Variants in ASNS observed in about 807,000 individuals in gnomAD.
The protein encoded by ASNS is asparagine synthetase [glutamine-hydrolyzing].
A neutral mutation model predicts 62.6 loss-of-function variants in ASNS; 37 were observed. The observed-to-expected ratio is 0.59, with a 90% CI of 0.45 to 0.78. ASNS has a LOEUF of 0.78. Among genes scored for constraint, ASNS ranks in the 30% least tolerant of loss-of-function variants. ASNS has a pLI of 0.00. For missense variants in ASNS, 520 were observed against 682.4 expected (o/e 0.76, Z 2.65); for synonymous variants, 207 against 237.9 (o/e 0.87, Z 1.19).
chr7:97,870,280 T>C (rs1241487956), intron 1 of ASNS: 1 of 600,082 alleles, frequency 1.7e-6, no homozygotes, highest in Non-Finnish European at 2.9e-6. Context: ...AGAATGTCAA[T>C]GGATACACCA....
At chr7:97,852,497 T>C (rs1791230115) in intron 12 of ASNS, 29 bp from the exon 13 acceptor site, 4 of 1,595,726 alleles carry the variant, frequency 2.5e-6, no homozygotes, top group Non-Finnish European at 3.4e-6. Flanking sequence ...AAGAGCAAAA[T>C]GGCTTAAAAT....
chr7:97,860,292 G>T (rs1791652475), intron 4 of ASNS, among the ~76,000 whole-genome samples: 1 of 152,216 alleles, frequency 6.6e-6, no homozygotes. Flanking sequence ...AAAGAAAATT[G>T]TTGCAGTATT....
At chr7:97,892,833 C>A in the ASNS span, among the ~76,000 whole-genome samples, 1 of 152,244 alleles carries the variant, frequency 6.6e-6, no homozygotes, top group African/African-American at 2.4e-5. Context: ...TAGGAAATCT[C>A]TTCCAAATTT....
At chr7:97,857,527 G>T (rs2237287) in intron 7 of ASNS, among the ~76,000 whole-genome samples, 56,320 of 150,516 alleles carry the variant, frequency 0.37, 10,762 homozygotes, top group East Asian at 0.56. Context: ...CTATTATTTT[G>T]GTTACATAAA....
intron 3 of ASNS, among the ~76,000 whole-genome samples, chr7:97,865,022 T>A (rs1791898740): frequency 6.6e-6 from 1 of 152,214 alleles, no homozygotes; most frequent in Non-Finnish European, 1.5e-5. Flanking sequence ...ATTTTGTGCA[T>A]GAAACAAAGT....
At position 97,855,419 on chromosome 7, in the gene ASNS, A is replaced by C. The variant is rs1791389293; in HGVS notation, c.1071T>G (p.Asp357Glu). 6.2e-7 allele frequency: 1 copy of C among 1,612,498 alleles called. No homozygotes were observed. Residue 357 changes from aspartate (D) to glutamate (E), a missense_variant, in exon 9 of 13, where the codon GAT becomes GAG. Coordinates refer to ENST00000394308, the MANE Select transcript of ASNS (RefSeq NM_001673.5). The part of the protein sequence containing the change: ...LISKYIRKNT[D>E]SVVIFSGEGS... ...CTTCTCCAGAGAAGATCACCACGCTATCTGTGTTCTTCCGAATATACTTGG... is the reference window on the plus strand; with the variant it reads ...CTTCTCCAGAGAAGATCACCACGCTCTCTGTGTTCTTCCGAATATACTTGG...
the ASNS span, among the ~76,000 whole-genome samples, chr7:97,905,419 G>A: frequency 6.6e-6 from 1 of 152,172 alleles, no homozygotes; most frequent in East Asian, 1.9e-4. Flanking sequence ...CATGGATCTG[G>A]TAGTTCCACT....
chr7:97,885,169 C>T, the ASNS span, among the ~76,000 whole-genome samples: 1 of 152,254 alleles, frequency 6.6e-6, no homozygotes, highest in Non-Finnish European at 1.5e-5. Flanking sequence ...CTGGTTTCTT[C>T]CACTTAGCTT....
At chr7:97,887,270 T>C in the ASNS span, among the ~76,000 whole-genome samples, 1 of 152,152 alleles carries the variant, frequency 6.6e-6, no homozygotes, top group Non-Finnish European at 1.5e-5. Context: ...CTATGGTCCC[T>C]CCCCAGTCAG....
At chr7:97,882,938 C>T in the ASNS span, among the ~76,000 whole-genome samples, 1 of 152,202 alleles carries the variant, frequency 6.6e-6, no homozygotes, top group African/African-American at 2.4e-5. Context: ...AGAGGCACTC[C>T]TCAACTTTTC....
At chr7:97,854,523 TG>T in intron 10 of ASNS, 56 bp downstream of exon 10, 1 of 1,582,400 alleles carries the variant, frequency 6.3e-7, no homozygotes, top group Non-Finnish European at 8.6e-7. Context: ...CTTTTTGTTT[TG>T]TTTTGTTTTT....
chr7:97,927,837 G>A, the ASNS span, among the ~76,000 whole-genome samples: 28 of 152,286 alleles, frequency 1.8e-4, no homozygotes, highest in Non-Finnish European at 1.0e-4. Context: ...ACGGGGAGAT[G>A]AGGATGTCAC....
the ASNS span, among the ~76,000 whole-genome samples, chr7:97,887,262 A>G: frequency 6.6e-6 from 1 of 152,194 alleles, no homozygotes; most frequent in African/African-American, 2.4e-5. Flanking sequence ...AGTCCCTGCT[A>G]TGGTCCCTCC....
chr7:97,853,183 C>T lies in ASNS; in HGVS notation c.1353G>A (p.Thr451=), dbSNP rs145582437. The T allele has an allele frequency of 1.7e-5, 28 of 1,609,656 alleles. No homozygotes were observed. Among genetic ancestry groups the T allele is most frequent in the South Asian group, 6.7e-5 (6 of 90,030 alleles). Residue 451 remains threonine, a synonymous_variant, in exon 12 of 13, where the codon ACG becomes ACA. Transcript: ENST00000394308. ...NGIEKHLLRE[T]FEDSNLIPKE... ...TGGGTATCAGATTGGAATCCTCAAACGTCTCTCTCAGGAGATGTTTTTCTA... is the reference window on the plus strand; with the variant it reads ...TGGGTATCAGATTGGAATCCTCAAATGTCTCTCTCAGGAGATGTTTTTCTA...
At chr7:97,852,967 A>C in intron 12 of ASNS, 93 bp downstream of exon 12, 1 of 1,221,566 alleles carries the variant, frequency 8.2e-7, no homozygotes, top group South Asian at 1.7e-5. Context: ...AACTAAATAC[A>C]TGTATCATTC....
the ASNS span, among the ~76,000 whole-genome samples, chr7:97,924,852 C>T: frequency 1.3e-5 from 2 of 152,180 alleles, no homozygotes; most frequent in African/African-American, 4.8e-5. Context: ...CAATGCTATG[C>T]CCAGCCCAGC....
At chr7:97,891,894 C>T in the ASNS span, among the ~76,000 whole-genome samples, 14 of 152,182 alleles carry the variant, frequency 9.2e-5, no homozygotes, top group African/African-American at 3.1e-4. Context: ...AGTGAATCCA[C>T]CATTCCGAGG....
At chr7:97,881,133 G>C in the ASNS span, among the ~76,000 whole-genome samples, 1 of 152,096 alleles carries the variant, frequency 6.6e-6, no homozygotes, top group Non-Finnish European at 1.5e-5. Flanking sequence ...ATAGAGATAG[G>C]GTTTCACCAT....
chr7:97,853,002 A>G, intron 12 of ASNS, 58 bp downstream of exon 12: 4 of 1,467,858 alleles, frequency 2.7e-6, no homozygotes, highest in Non-Finnish European at 3.6e-6. Context: ...ATGAACAGCA[A>G]TGACAGCTCT....
Sources: allele counts gnomAD v4.1 joint callset (sites outside exome capture counted in the v4.1 genomes callset), GRCh38; gene constraint gnomAD v4.1.1; transcripts MANE v1.5; gene names NCBI Gene and HGNC (gene_info 2026-07-23, HGNC 2026-07-21).